The following SLC25A26 variants were observed in gnomAD, a reference collection of about 807,000 sequenced individuals.
SLC25A26 encodes the protein mitochondrial S-adenosylmethionine carrier protein.
A neutral mutation model predicts 37.8 loss-of-function variants in SLC25A26; 36 were observed. That is an observed-to-expected ratio of 0.95 (90% CI 0.73 to 1.26). The LOEUF is 1.26. Ranked by LOEUF, SLC25A26 falls within the 50% of genes most tolerant of loss-of-function variation. The pLI is 0.00. For synonymous variants in SLC25A26, 129 were observed against 122.5 expected (o/e 1.05, Z -0.35); for missense variants, 390 against 331.1 (o/e 1.18, Z -1.38).
chr3:66,171,479 G>A (rs1398185088), intron 1 of SLC25A26, among the ~76,000 whole-genome samples: 4 of 152,016 alleles, frequency 2.6e-5, no homozygotes, highest in Non-Finnish European at 5.9e-5. Context: ...TGCAATGAAG[G>A]ACCCTGAGAT....
rs560600717 is a variant in SLC25A26, at chr3:66,378,907, T to C, written c.*1100T>C. ...CTGTACCAAAATTTCTATAAATAAA[T>C]AACTTTGTACATAAAAGTAATACTC... On this transcript the variant is annotated 3_prime_UTR_variant, in exon 10 of 10. Transcript: ENST00000354883. The C allele has an allele frequency of 6.5e-6, 1 of 152,766 alleles. No individual in the cohort carries two copies. The highest frequency in any genetic ancestry group is 2.1e-4 in the South Asian group (1 of 4,830). The allele number at this position is 152,766 out of a possible 1,614,324, so 9.5% of individuals were successfully genotyped here. A position where few individuals can be genotyped will look rare whatever the true frequency, so the allele number is the denominator to read the frequency against.
chr3:66,151,274 T>C (rs747269099), intron 1 of SLC25A26, among the ~76,000 whole-genome samples: 9 of 151,878 alleles, frequency 5.9e-5, no homozygotes, highest in Non-Finnish European at 1.2e-4. Flanking sequence ...CCACCTCCAA[T>C]AACAAGCGGG....
At chr3:66,327,453 C>T (rs1031070673) in intron 5 of SLC25A26, among the ~76,000 whole-genome samples, 1 of 152,110 alleles carries the variant, frequency 6.6e-6, no homozygotes, top group Non-Finnish European at 1.5e-5. Flanking sequence ...GCTTCCCACT[C>T]ATAAATATAT....
rs1273346608 is a variant in SLC25A26 at position 66,286,088 on chromosome 3, A to T, written c.453+22709A>T. 3.3e-5 allele frequency among the ~76,000 whole-genome samples: 5 copies of T among 152,206 alleles called. No homozygotes were observed. In the East Asian group the frequency reaches 9.6e-4, roughly 29 times the overall value. On this transcript the variant is annotated intron_variant, in intron 5 of 9. Transcript: ENST00000354883. Reference sequence around the variant, plus strand: ...TCTTTGGGAGTTTCGAAAGTTCTTTATATATTTGGAATGCTCATCCTTTGC... The same window carrying T: ...TCTTTGGGAGTTTCGAAAGTTCTTTTTATATTTGGAATGCTCATCCTTTGC...
rs561808609 is a variant in SLC25A26, at chr3:66,154,365, G to A, written c.-354+20381G>A. ...TAGCACAGCCCAGTCCTGCCTGGAT[G>A]CCTTCTGCCTCATTTCTGCAGGGTT... On this transcript the variant is annotated intron_variant, in intron 1 of 10. Transcript: ENST00000676754. Among the ~76,000 whole-genome samples the A allele has an allele frequency of 3.9e-5, 6 of 152,166 alleles. No individual in the cohort carries two copies. The South Asian group carries it at 8.3e-4, about 21-fold the overall frequency.
chr3:66,348,987 T>C (rs1474007456), intron 6 of SLC25A26, among the ~76,000 whole-genome samples: 1 of 152,210 alleles, frequency 6.6e-6, no homozygotes, highest in Non-Finnish European at 1.5e-5. Context: ...TATTAGTGTC[T>C]CAATAACCAG....
intron 1 of SLC25A26, among the ~76,000 whole-genome samples, chr3:66,199,492 A>G (rs1289866267): frequency 6.6e-6 from 1 of 151,972 alleles, no homozygotes; most frequent in Non-Finnish European, 1.5e-5. Flanking sequence ...CCCATTGACC[A>G]TGACCCTGAC....
chr3:66,311,592 CT>C (rs1263957358), intron 5 of SLC25A26, among the ~76,000 whole-genome samples: 1 of 152,064 alleles, frequency 6.6e-6, no homozygotes, highest in Non-Finnish European at 1.5e-5. Context: ...AGTTTTCAGC[CT>C]TTTTTTGGTG....
chr3:66,370,722 A>C, intron 9 of SLC25A26, 120 bp downstream of exon 9: 1 of 732,164 alleles, frequency 1.4e-6, no homozygotes, highest in South Asian at 1.8e-5. Context: ...GTTTCTATTT[A>C]TTGTGCAAAA....
intron 5 of SLC25A26, among the ~76,000 whole-genome samples, chr3:66,270,366 A>G (rs944621940): frequency 3.9e-5 from 6 of 152,206 alleles, no homozygotes; most frequent in Admixed American, 2.0e-4. Flanking sequence ...TTAAAATCCA[A>G]TGCAAACATA....
chr3:66,224,441 C>G (rs2071643917), intron 1 of SLC25A26, among the ~76,000 whole-genome samples: 1 of 152,214 alleles, frequency 6.6e-6, no homozygotes, highest in African/African-American at 2.4e-5. Context: ...CCATCAGATC[C>G]TGTGAGACTT....
At chr3:66,174,317 C>T (rs573221225) in intron 1 of SLC25A26, among the ~76,000 whole-genome samples, 1 of 152,240 alleles carries the variant, frequency 6.6e-6, no homozygotes, top group African/African-American at 2.4e-5. Flanking sequence ...CATATCCCCC[C>T]ACTTTTGCAT....
chr3:66,315,308 TC>T (rs1032389247), intron 5 of SLC25A26, among the ~76,000 whole-genome samples: 1 of 152,216 alleles, frequency 6.6e-6, no homozygotes, highest in African/African-American at 2.4e-5. Context: ...TCCCAGAGAT[TC>T]TGATACGTTG....
chr3:66,151,660 C>T (rs1261056992), intron 1 of SLC25A26, among the ~76,000 whole-genome samples: 1 of 152,154 alleles, frequency 6.6e-6, no homozygotes, highest in East Asian at 1.9e-4. Context: ...ACACATCATC[C>T]TCTCCTTCTG....
chr3:66,226,248 C>T (rs782108120), intron 1 of SLC25A26, among the ~76,000 whole-genome samples: 9 of 152,272 alleles, frequency 5.9e-5, no homozygotes, highest in South Asian at 2.1e-4. Flanking sequence ...AGCAAAGTCA[C>T]GTCTTACATG....
intron 1 of SLC25A26, among the ~76,000 whole-genome samples, chr3:66,175,140 T>TATATACACAC (rs1413714739): frequency 9.4e-4 from 63 of 66,978 alleles, no homozygotes; most frequent in African/African-American, 3.9e-3. Context: ...TATATATATA[T>TATATACACAC]ACACACACAC....
At chr3:66,176,415 A>G (rs2070587626) in intron 1 of SLC25A26, among the ~76,000 whole-genome samples, 2 of 152,188 alleles carry the variant, frequency 1.3e-5, no homozygotes, top group Non-Finnish European at 2.9e-5. Flanking sequence ...ATCCTTTAGA[A>G]GTGACAGTCC....
chr3:66,375,179 T>C (rs1343874212), intron 9 of SLC25A26, among the ~76,000 whole-genome samples: 1 of 152,208 alleles, frequency 6.6e-6, no homozygotes, highest in African/African-American at 2.4e-5. Flanking sequence ...CTCTCTTCCC[T>C]GAAGGCTGAG....
At chr3:66,286,969 T>G (rs1576798107) in intron 5 of SLC25A26, among the ~76,000 whole-genome samples, 1 of 151,990 alleles carries the variant, frequency 6.6e-6, no homozygotes, top group East Asian at 1.9e-4. Context: ...GGCCTGTTTG[T>G]TTTTTTTAAT....
Sources: gnomAD v4.1 joint callset for allele counts (sites outside exome capture counted in the v4.1 genomes callset) on GRCh38, gnomAD v4.1.1 for gene constraint, MANE v1.5 for transcripts, NCBI Gene and HGNC (gene_info 2026-07-23, HGNC 2026-07-21) for gene names.